Variants in PDE2A observed in about 807,000 individuals in gnomAD.
PDE2A encodes the protein phosphodiesterase 2A.
In PDE2A, 53 loss-of-function variants were observed where a neutral mutation model predicts 133.6. The observed-to-expected ratio is 0.40, with a 90% CI of 0.32 to 0.50. The LOEUF is 0.50. PDE2A is among the 20% of genes least tolerant of loss of function. The probability of loss-of-function intolerance (pLI) is 0.73; values close to 1 mark genes in which losing one functional copy is unlikely to be tolerated. For missense variants in PDE2A, 796 were observed against 1,232.4 expected (o/e 0.65, Z 5.30); for synonymous variants, 491 against 490.2 (o/e 1.00, Z -0.02).
intron 2 of PDE2A, chr11:72,636,110 C>T (rs1010307329): frequency 8.1e-7 from 1 of 1,231,502 alleles, no homozygotes; most frequent in South Asian, 1.4e-5. Context: ...ATGCCTGCCC[C>T]CTGAAGCCAC....
chr11:72,661,529 T>G (rs1232830184), intron 1 of PDE2A, among the ~76,000 whole-genome samples: 3 of 152,076 alleles, frequency 2.0e-5, no homozygotes, highest in Non-Finnish European at 2.9e-5. Flanking sequence ...AAACAGTCAG[T>G]GATGCCATGT....
intron 1 of PDE2A, among the ~76,000 whole-genome samples, chr11:72,670,570 C>T (rs1855362177): frequency 7.0e-6 from 1 of 142,458 alleles, no homozygotes; most frequent in Admixed American, 7.4e-5. Context: ...TGTCTGTCCT[C>T]ACTCCCTTAT....
At chr11:72,592,315 C>T (rs1398562476) in intron 6 of PDE2A, among the ~76,000 whole-genome samples, 1 of 152,202 alleles carries the variant, frequency 6.6e-6, no homozygotes. Flanking sequence ...GCACTGGGGG[C>T]TCCTCCTTCC....
Position 72,597,528 on chromosome 11 carries a change from G to T in PDE2A, c.415C>A (p.Leu139Met). Residue 139 changes from leucine to methionine, a missense_variant, in exon 5 of 31, where the codon CTG becomes ATG. By Grantham distance (15) the Leu-to-Met change is conservative. Transcript: ENST00000334456. The surrounding 1 kb of genome is among the most constrained non-coding windows in gnomAD (Gnocchi z 4.6). The part of the protein sequence containing the change: ...GKPLARLVAP[L>M]APDTQVLVMP... ...CCCTTACCTTGGGTATCAGGAGCCA[G>T]TGGAGCCACCAGCCTGGCCAAGGGC... 2 of 1,606,462 alleles carry T rather than the reference G, an allele frequency of 1.2e-6. No individual in the cohort carries two copies. Among genetic ancestry groups the T allele is most frequent in the Admixed American group, 1.7e-5 (1 of 59,998 alleles).
At chr11:72,619,255 G>A (rs1332080597) in intron 2 of PDE2A, among the ~76,000 whole-genome samples, 1 of 152,168 alleles carries the variant, frequency 6.6e-6, no homozygotes, top group East Asian at 1.9e-4. Context: ...TAGTTTTTGT[G>A]TGGTTTTTCT....
At chr11:72,622,416 C>T (rs1454529608) in intron 2 of PDE2A, among the ~76,000 whole-genome samples, 1 of 152,184 alleles carries the variant, frequency 6.6e-6, no homozygotes, top group Admixed American at 6.5e-5. Flanking sequence ...ATGTTCATAG[C>T]AGCATTACTC....
In PDE2A at chr11:72,584,787, C is replaced by T. The variant is rs574619848; in HGVS notation, c.1360-59G>A. The T allele has an allele frequency of 3.0e-4, 487 of 1,610,034 alleles. 1 individual carries two copies. Among genetic ancestry groups the T allele is most frequent in the Middle Eastern group, 2.1e-3 (13 of 6,050 alleles). On this transcript the variant is annotated intron_variant, in intron 17 of 30. Coordinates refer to ENST00000334456, the MANE Select transcript of PDE2A (RefSeq NM_002599.5). ...GTTAGTGACCCGGCCACAGAGGGGA[C>T]TGTTAAACCTCGGGCCGCTCCCCAG...
intron 1 of PDE2A, among the ~76,000 whole-genome samples, chr11:72,671,756 G>A (rs1236775446): frequency 6.6e-6 from 1 of 152,172 alleles, no homozygotes; most frequent in Admixed American, 6.5e-5. Context: ...TTGAGCCCCA[G>A]CCTTGCAGCC....
intron 4 of PDE2A, among the ~76,000 whole-genome samples, chr11:72,600,022 T>A (rs535731737): frequency 1.1e-4 from 16 of 152,144 alleles, no homozygotes; most frequent in Non-Finnish European, 2.1e-4. Context: ...GTCCAGGGAA[T>A]TGCAATTGTG....
Position 72,581,457 on chromosome 11 carries a change from C to T in PDE2A, c.1945G>A (p.Gly649Ser), listed in dbSNP as rs762110245. The T allele has an allele frequency of 6.2e-7, 1 of 1,601,460 alleles. No individual in the cohort carries two copies. Among genetic ancestry groups the T allele is most frequent in the Non-Finnish European group, 8.5e-7 (1 of 1,174,938 alleles). Residue 649 changes from glycine to serine, a missense_variant, in exon 23 of 31, where the codon GGC (glycine) becomes AGC (serine). By Grantham distance (56) the Gly-to-Ser change is moderately conservative. Transcript: ENST00000334456. ...LARFCLMVKK[G>S]YRDPPYHNWM... is the part of the protein sequence containing the mutation. ...TTGTGGTAGGGGGGATCCCGGTAGC[C>T]CTTCTTCACCATCAAACAGAACCTG...
At chr11:72,646,148 G>C (rs71477740) in intron 1 of PDE2A, among the ~76,000 whole-genome samples, 1 of 152,186 alleles carries the variant, frequency 6.6e-6, no homozygotes, top group Admixed American at 6.5e-5. Flanking sequence ...CTCCAGCTTA[G>C]GAATGCATAG....
At chr11:72,582,108 T>TCTAA in intron 21 of PDE2A, 161 bp from the exon 22 acceptor site, 1 of 643,368 alleles carries the variant, frequency 1.6e-6, no homozygotes, top group Non-Finnish European at 2.8e-6. Context: ...CTCGGAGCTA[T>TCTAA]GCATTTTTAG....
rs181735653 is a variant in PDE2A, at chr11:72,595,891, C to T, written c.489+702G>A. Among the ~76,000 whole-genome samples the T allele has an allele frequency of 3.6e-4, 55 of 152,282 alleles. No individual in the cohort carries two copies. The East Asian group carries it at 0.01, about 28-fold the overall frequency. On this transcript the variant is annotated intron_variant, in intron 6 of 30. Coordinates refer to ENST00000334456, the MANE Select transcript of PDE2A (RefSeq NM_002599.5). ...CTCCACGGAGCAGAAACCCTGGGAA[C>T]TCCTCGAGGGGCTGCAGAGGGAGGC...
At chr11:72,615,160 G>T in intron 2 of PDE2A, 1 of 471,134 alleles carries the variant, frequency 2.1e-6, no homozygotes, top group South Asian at 1.5e-5. Flanking sequence ...TCCCAAGGGT[G>T]TCCCCATCCA....
At chr11:72,618,770 G>A (rs1461477273) in intron 2 of PDE2A, among the ~76,000 whole-genome samples, 1 of 152,178 alleles carries the variant, frequency 6.6e-6, no homozygotes, top group East Asian at 1.9e-4. Flanking sequence ...CGAGCCCATG[G>A]GACGCTGGCC....
Position 72,578,177 on chromosome 11 carries a change from C to T in PDE2A, c.2615+56G>A. 1.8e-6 allele frequency: 2 copies of T among 1,110,962 alleles called. No individual in the cohort carries two copies. The highest frequency in any genetic ancestry group is 1.4e-6 in the Non-Finnish European group (1 of 722,842). The allele number at this position is 1,110,962 out of a possible 1,614,324, so 68.8% of individuals were successfully genotyped here. On this transcript the variant is annotated intron_variant, in intron 30 of 30. Coordinates refer to ENST00000334456, the MANE Select transcript of PDE2A (RefSeq NM_002599.5). This position sits in a 1 kb window ranked among gnomAD's most constrained non-coding sequence, Gnocchi z 4.2. ...GCACCTGTGTTTCCTGTGATGTCCCCACTCCAGCCTACCCTCTCTGTGCAG... is the reference window on the plus strand; with the variant it reads ...GCACCTGTGTTTCCTGTGATGTCCCTACTCCAGCCTACCCTCTCTGTGCAG...
chr11:72,585,515 T>G (rs1855927505), intron 15 of PDE2A, 39 bp downstream of exon 15: 1 of 1,613,508 alleles, frequency 6.2e-7, no homozygotes, highest in East Asian at 2.2e-5. Flanking sequence ...CCAGCCCCCA[T>G]GCCCACACAC....
At chr11:72,651,091 C>T (rs758603519) in intron 1 of PDE2A, among the ~76,000 whole-genome samples, 7 of 152,174 alleles carry the variant, frequency 4.6e-5, no homozygotes, top group Non-Finnish European at 1.0e-4. Context: ...ACTCCCAGAG[C>T]TTCATGTTCT....
intron 13 of PDE2A, among the ~76,000 whole-genome samples, chr11:72,586,722 C>T (rs1855991080): frequency 6.6e-6 from 1 of 152,240 alleles, no homozygotes; most frequent in Admixed American, 6.5e-5. Flanking sequence ...ATCTGGCCAC[C>T]AAATGATTTG....
Sources: allele counts gnomAD v4.1 joint callset (sites outside exome capture counted in the v4.1 genomes callset), GRCh38; gene constraint gnomAD v4.1.1; non-coding constraint Gnocchi (gnomAD v3.1); transcripts MANE v1.5; gene names NCBI Gene and HGNC (gene_info 2026-07-23, HGNC 2026-07-21).